MDGA2: variants seen among roughly 807,000 people sequenced by gnomAD.
MDGA2 encodes the protein MAM domain-containing glycosylphosphatidylinositol anchor protein 2.
A neutral mutation model predicts 117.8 loss-of-function variants in MDGA2; 40 were observed. The ratio of observed to expected loss-of-function variants is 0.34; its 90% CI spans 0.26 to 0.44. MDGA2 has a LOEUF of 0.44. Ranked by LOEUF, MDGA2 falls within the 20% of genes least tolerant of loss-of-function variation. The pLI, the probability that MDGA2 is intolerant of heterozygous loss-of-function variation, is 1.00. For missense variants in MDGA2, 1,123 were observed against 1,250.6 expected, an observed-to-expected ratio of 0.90 and a Z score of 1.54; for synonymous variants, 452 against 439.0, an observed-to-expected ratio of 1.03 and a Z score of -0.37.
At chr14:47,417,673 G>A (rs1031986202) in intron 1 of MDGA2, among the ~76,000 whole-genome samples, 4 of 151,942 alleles carry the variant, frequency 2.6e-5, no homozygotes, top group African/African-American at 9.7e-5. Flanking sequence ...CACATTTTTA[G>A]TTACTTGTTA....
At chr14:47,118,718 G>A (rs1881460275) in intron 5 of MDGA2, among the ~76,000 whole-genome samples, 1 of 151,702 alleles carries the variant, frequency 6.6e-6, no homozygotes, top group African/African-American at 2.4e-5. Context: ...TATTATATAC[G>A]CTTTTTTTAT....
chr14:47,545,399 T>C (rs538841262), intron 1 of MDGA2, among the ~76,000 whole-genome samples: 2 of 152,294 alleles, frequency 1.3e-5, no homozygotes, highest in African/African-American at 4.8e-5. Context: ...AAACATCTCA[T>C]GTTTCTATAG....
intron 8 of MDGA2, among the ~76,000 whole-genome samples, chr14:46,982,734 A>AAAAAAAAAATAAT (rs1449356596): frequency 1.8e-4 from 24 of 130,320 alleles, no homozygotes; most frequent in Non-Finnish European, 3.4e-4. Context: ...AAAAAAAAAA[A>AAAAAAAAAATAAT]AATCATGTCA....
At chr14:47,428,110 AT>A (rs1434094454) in intron 1 of MDGA2, among the ~76,000 whole-genome samples, 2 of 152,136 alleles carry the variant, frequency 1.3e-5, no homozygotes, top group African/African-American at 4.8e-5. Flanking sequence ...TGCATTAAAA[AT>A]ATATCATTAT....
At chr14:47,294,604 T>C (rs1380414188) in intron 2 of MDGA2, among the ~76,000 whole-genome samples, 1 of 152,056 alleles carries the variant, frequency 6.6e-6, no homozygotes, top group Non-Finnish European at 1.5e-5. Flanking sequence ...AAAGAATTAA[T>C]ATAATATTTG....
At chr14:47,264,009 C>T (rs945634089) in intron 2 of MDGA2, among the ~76,000 whole-genome samples, 6 of 152,102 alleles carry the variant, frequency 3.9e-5, no homozygotes, top group African/African-American at 1.4e-4. Flanking sequence ...ATTCAAACCA[C>T]TTTTTATATC....
At chr14:46,845,391 T>G (rs117915662) in intron 16 of MDGA2, among the ~76,000 whole-genome samples, 1 of 152,214 alleles carries the variant, frequency 6.6e-6, no homozygotes, top group African/African-American at 2.4e-5. Flanking sequence ...AGTATGAAGA[T>G]TGACTAATAC....
At chr14:46,962,671 A>G (rs993241408) in intron 8 of MDGA2, among the ~76,000 whole-genome samples, 12 of 152,174 alleles carry the variant, frequency 7.9e-5, no homozygotes, top group Non-Finnish European at 2.9e-5. Context: ...ATTTTACATA[A>G]TATTTTGTCT....
intron 1 of MDGA2, among the ~76,000 whole-genome samples, chr14:47,323,798 A>G (rs1448906064): frequency 2.0e-5 from 3 of 152,236 alleles, no homozygotes; most frequent in Non-Finnish European, 4.4e-5. Flanking sequence ...AAGAGGGAAA[A>G]GAACTTAAAC....
In MDGA2 at chr14:47,213,716, G is replaced by A. The variant is rs966670535; in HGVS notation, c.595+4305C>T. 4.0e-5 allele frequency among the ~76,000 whole-genome samples: 6 copies of A among 151,894 alleles called. No homozygotes were observed. The South Asian group carries it at 6.2e-4, about 16-fold the overall frequency. ...TATTCTCTGAAAGTCCCTTGTTTGT[G>A]TTTTCCTGTTCTTGTTTCATGAATA... On this transcript the variant is annotated intron_variant, in intron 3 of 16. Coordinates refer to ENST00000399232, the MANE Select transcript of MDGA2 (RefSeq NM_001113498.3).
intron 5 of MDGA2, among the ~76,000 whole-genome samples, chr14:47,104,131 T>G (rs1397899123): frequency 6.6e-6 from 1 of 152,188 alleles, no homozygotes; most frequent in Non-Finnish European, 1.5e-5. Context: ...CAAAGAAAAC[T>G]GCCAAAAGTT....
At chr14:46,996,299 A>T (rs995994861) in intron 8 of MDGA2, among the ~76,000 whole-genome samples, 3 of 152,178 alleles carry the variant, frequency 2.0e-5, no homozygotes, top group Non-Finnish European at 2.9e-5. Flanking sequence ...AGTGAAAGGT[A>T]GACTGCTGCA....
chr14:47,651,330 G>T (rs12435610), intron 1 of MDGA2, among the ~76,000 whole-genome samples: 38,875 of 151,384 alleles, frequency 0.26, 5,989 homozygotes, highest in South Asian at 0.46. Context: ...AGACATTTTC[G>T]GAGCAATGGA....
rs1016187588 is a variant in MDGA2 at position 46,845,833 on chromosome 14, A to C, written c.2922T>G (p.Gly974=). 17 of 1,613,550 alleles carry C rather than the reference A, an allele frequency of 1.1e-5. No individual in the cohort carries two copies. Among genetic ancestry groups the C allele is most frequent in the Non-Finnish European group, 1.4e-5 (17 of 1,179,660 alleles). ...FEGIRGPGIE[G]DIAIDDVSIA... ...TTGATACATCATCAATAGCAATGTC[A>C]CCTTCTATTCCAGGACCTCGGATAC... Residue 974 remains glycine (G), a synonymous_variant, in exon 16 of 17, where the codon GGT becomes GGG. Transcript: ENST00000399232.
chr14:47,654,763 G>C (rs1446919299), intron 1 of MDGA2, among the ~76,000 whole-genome samples: 1 of 152,092 alleles, frequency 6.6e-6, no homozygotes, highest in Non-Finnish European at 1.5e-5. Context: ...CAATGAAGGT[G>C]CTTAGATTAC....
intron 2 of MDGA2, among the ~76,000 whole-genome samples, chr14:47,286,204 C>A (rs1594773467): frequency 6.6e-6 from 1 of 152,044 alleles, no homozygotes; most frequent in East Asian, 1.9e-4. Flanking sequence ...ACAATCACCT[C>A]ATTTATCATT....
rs1423657466 is a variant in MDGA2 at position 47,563,827 on chromosome 14, G to T, written c.280+110690C>A. Among the ~76,000 whole-genome samples the T allele has an allele frequency of 3.3e-5, 5 of 152,040 alleles. No homozygotes were observed. The South Asian group carries it at 1.0e-3, about 32-fold the overall frequency. Reference sequence around the variant, plus strand: ...TGTTAGCTGGTTATCATGCAGACTTGTTTGTGTGGTTGCTTTATGGTATCA... The same window carrying T: ...TGTTAGCTGGTTATCATGCAGACTTTTTTGTGTGGTTGCTTTATGGTATCA... On this transcript the variant is annotated intron_variant, in intron 1 of 16. Transcript: ENST00000399232.
chr14:47,017,651 C>T (rs1361589204), intron 8 of MDGA2, among the ~76,000 whole-genome samples: 2 of 151,386 alleles, frequency 1.3e-5, no homozygotes, highest in Non-Finnish European at 3.0e-5. Context: ...TAAAATTCCA[C>T]ATAAAGCTGA....
chr14:47,034,946 T>A, intron 8 of MDGA2, 65 bp downstream of exon 8: 3 of 1,420,784 alleles, frequency 2.1e-6, no homozygotes, highest in Non-Finnish European at 2.9e-6. Flanking sequence ...ATATTAATAG[T>A]AGAATAATGG....
Sources: gnomAD v4.1 joint callset for allele counts (sites outside exome capture counted in the v4.1 genomes callset) on GRCh38, gnomAD v4.1.1 for gene constraint, MANE v1.5 for transcripts, NCBI Gene and HGNC (gene_info 2026-07-23, HGNC 2026-07-21) for gene names.